Variants in RUBCN observed in about 807,000 individuals in gnomAD.
RUBCN encodes the protein rubicon autophagy regulator, also known as run domain Beclin-1-interacting and cysteine-rich domain-containing protein.
A neutral mutation model predicts 113.2 loss-of-function variants in RUBCN; 74 were observed. The observed-to-expected ratio is 0.65, with a 90% CI of 0.54 to 0.79. The LOEUF is 0.79. RUBCN is among the 30% of genes least tolerant of loss of function. The pLI, the probability that RUBCN is intolerant of heterozygous loss-of-function variation, is 0.00. For missense variants in RUBCN, 1,109 were observed against 1,251.7 expected (o/e 0.89, Z 1.72); for synonymous variants, 480 against 490.0 (o/e 0.98, Z 0.27).
chr3:197,703,415 A>AT, intron 5 of RUBCN, 133 bp downstream of exon 5: 1 of 392,170 alleles, frequency 2.5e-6, no homozygotes, highest in Non-Finnish European at 4.8e-6. Flanking sequence ...AAAAAAAAAA[A>AT]AAAAAAAAAA....
Position 197,683,409 on chromosome 3 carries a change from A to G in RUBCN, c.1878T>C (p.Ala626=). 2 of 1,614,184 alleles carry G rather than the reference A, an allele frequency of 1.2e-6. No homozygotes were observed. Among genetic ancestry groups the G allele is most frequent in the Non-Finnish European group, 1.7e-6 (2 of 1,180,034 alleles). The change falls in exon 13 of 20, where the codon GCT becomes GCC. Residue 626 remains alanine (A), a synonymous_variant. Coordinates refer to ENST00000296343, the MANE Select transcript of RUBCN (RefSeq NM_014687.4). The surrounding 1 kb of genome is among the most constrained non-coding windows in gnomAD (Gnocchi z 4.6). The stretch of plus-strand genomic sequence containing the variant: ...TCAGGAGCCCCATGGCCACCGCCTC[A>G]GCAGACGTGGAGTGCAGGAAGCAGT... ...FSHCFLHSTS[A]EAVAMGLLKQ...
At chr3:197,745,415 A>G (rs1425625526) in intron 1 of RUBCN, among the ~76,000 whole-genome samples, 1 of 151,888 alleles carries the variant, frequency 6.6e-6, no homozygotes, top group African/African-American at 2.4e-5. Context: ...CGGGAGTTCG[A>G]GACCAGCCTG....
In RUBCN at chr3:197,716,516, C is replaced by T. The variant is rs555807355; in HGVS notation, c.219+1461G>A. On this transcript the variant is annotated intron_variant, in intron 2 of 19. Coordinates refer to ENST00000296343, the MANE Select transcript of RUBCN (RefSeq NM_014687.4). ...GGCTGTTTTTCTTCCTTTATCCTACCTACTTCTGAAAAAAACCAGCATGGT... is the reference window on the plus strand; with the variant it reads ...GGCTGTTTTTCTTCCTTTATCCTACTTACTTCTGAAAAAAACCAGCATGGT... Among the ~76,000 whole-genome samples the T allele has an allele frequency of 5.3e-5, 8 of 152,192 alleles. No individual in the cohort carries two copies. In the South Asian group the frequency reaches 1.7e-3, roughly 32 times the overall value.
At chr3:197,702,433 C>T (rs550489790) in intron 5 of RUBCN, among the ~76,000 whole-genome samples, 11 of 152,288 alleles carry the variant, frequency 7.2e-5, no homozygotes, top group Non-Finnish European at 1.0e-4. Context: ...GAGGCCAAGG[C>T]GGGCAAATCA....
intron 1 of RUBCN, among the ~76,000 whole-genome samples, chr3:197,733,083 G>C (rs1409326769): frequency 1.3e-5 from 2 of 152,190 alleles, no homozygotes; most frequent in Non-Finnish European, 2.9e-5. Context: ...CGTGAACTAG[G>C]ATTCAAATGC....
chr3:197,699,174 C>T, intron 7 of RUBCN: 1 of 1,541,780 alleles, frequency 6.5e-7, no homozygotes, highest in South Asian at 1.2e-5. Context: ...AGGTGGAGGA[C>T]CGATTCCCAA....
intron 1 of RUBCN, among the ~76,000 whole-genome samples, chr3:197,721,183 A>C (rs115562092): frequency 1.3e-5 from 2 of 152,134 alleles, no homozygotes; most frequent in African/African-American, 4.8e-5. Flanking sequence ...TTTGGGAAGA[A>C]TTGGTATTAG....
intron 1 of RUBCN, among the ~76,000 whole-genome samples, chr3:197,719,651 C>T (rs973336780): frequency 3.9e-5 from 6 of 152,100 alleles, no homozygotes; most frequent in Admixed American, 1.3e-4. Context: ...ATTTCCCTTC[C>T]TCACAATGAA....
At position 197,681,016 on chromosome 3, in the gene RUBCN, G is replaced by A. The variant is rs1721158680; in HGVS notation, c.2430+113C>T. ...AGGAGAGGAGACGAGGGGAGGGGAT[G>A]GGGGGAGGGGACAAGAGGAGGGGAT... On this transcript the variant is annotated intron_variant, in intron 16 of 19. Coordinates refer to ENST00000296343, the MANE Select transcript of RUBCN (RefSeq NM_014687.4). The surrounding 1 kb of genome is among the most constrained non-coding windows in gnomAD (Gnocchi z 5.5). The A allele has an allele frequency of 4.6e-6, 3 of 647,704 alleles. No homozygotes were observed. The highest frequency in any genetic ancestry group is 3.2e-5 in the South Asian group (2 of 63,098). 40.1% of individuals were successfully genotyped at this position (647,704 alleles called of 1,614,324 possible). A position where few individuals can be genotyped will look rare whatever the true frequency, so the allele number is the denominator to read the frequency against.
chr3:197,701,886 A>C, intron 5 of RUBCN, 22 bp from the exon 6 acceptor site: 1 of 1,613,116 alleles, frequency 6.2e-7, no homozygotes, highest in Non-Finnish European at 8.5e-7. Context: ...AACAAAACCA[A>C]AAAATGTGTC....
rs751585013 is a variant in RUBCN at position 197,693,714 on chromosome 3, C to G, written c.1786+1G>C. On this transcript the variant is annotated splice_donor_variant, in intron 11 of 19. Transcript: ENST00000296343. LOFTEE classifies it high-confidence loss of function. ...CCTTGTAACAAAGTGTCACTTCTTA[C>G]CTTGGATTTCAAATTCATCAACCTC... The G allele has an allele frequency of 6.2e-7, 1 of 1,601,464 alleles. No individual in the cohort carries two copies. The highest frequency in any genetic ancestry group is 1.1e-5 in the South Asian group (1 of 90,844).
intron 7 of RUBCN, among the ~76,000 whole-genome samples, chr3:197,700,163 C>T (rs1723482289): frequency 6.6e-6 from 1 of 152,186 alleles, no homozygotes; most frequent in African/African-American, 2.4e-5. Flanking sequence ...TCACCCTGCA[C>T]TCACTATAGC....
At chr3:197,700,582 T>C (rs1288524280) in intron 7 of RUBCN, 31 bp downstream of exon 7, 8 of 1,613,042 alleles carry the variant, frequency 5.0e-6, no homozygotes, top group Admixed American at 1.7e-5. Flanking sequence ...CAGGGTCATC[T>C]TGCTAACTAG....
At chr3:197,749,259 AG>A (rs1222274753) in intron 1 of RUBCN, 1 of 1,039,514 alleles carries the variant, frequency 9.6e-7, no homozygotes, top group Non-Finnish European at 1.2e-6. Context: ...ACATCAACAG[AG>A]GTACTTACCC....
In RUBCN at chr3:197,671,171, T is replaced by C. The variant is rs886166205; in HGVS notation, c.*3847A>G. Among the ~76,000 whole-genome samples, 11 of 152,174 alleles carry C rather than the reference T, an allele frequency of 7.2e-5. No homozygotes were observed. Among genetic ancestry groups the C allele is most frequent in the Non-Finnish European group, 1.3e-4 (9 of 68,036 alleles). On this transcript the variant is annotated 3_prime_UTR_variant, in exon 20 of 20. Coordinates refer to ENST00000296343, the MANE Select transcript of RUBCN (RefSeq NM_014687.4). The stretch of plus-strand genomic sequence containing the variant: ...CTGGGATTACAAGCACATGCCACCA[T>C]GCCTGGCTAATTTTTATATTTTTGT...
intron 11 of RUBCN, among the ~76,000 whole-genome samples, chr3:197,692,810 C>T (rs1349213859): frequency 1.3e-5 from 2 of 152,180 alleles, no homozygotes; most frequent in African/African-American, 4.8e-5. Flanking sequence ...TGTGGTTCCT[C>T]CATCTGGAGG....
Position 197,722,652 on chromosome 3 carries a change from A to AAC in RUBCN, c.66-4524_66-4523dup, listed in dbSNP as rs747890009. Among the ~76,000 whole-genome samples, 379 of 150,076 alleles carry AAC rather than the reference A, an allele frequency of 2.5e-3. 1 individual carries two copies. Among genetic ancestry groups the AAC allele is most frequent in the Middle Eastern group, 3.5e-3 (1 of 288 alleles). The stretch of plus-strand genomic sequence containing the variant: ...CAACATGGGAGCACCTTAATATATA[A>AAC]ACACACACACACACACAACTGTTAT... On this transcript the variant is annotated intron_variant, in intron 1 of 19. Transcript: ENST00000296343.
rs1329813039 is a variant in RUBCN at position 197,677,175 on chromosome 3, G to A, written c.2493-137C>T. ...AGCCAGCCCAAGGTTCCAGGCCGCCGCAGCCGTTCCACGCTATTAGGTGTC... is the reference window on the plus strand; with the variant it reads ...AGCCAGCCCAAGGTTCCAGGCCGCCACAGCCGTTCCACGCTATTAGGTGTC... On this transcript the variant is annotated intron_variant, in intron 17 of 19. Transcript: ENST00000296343. 42 of 953,884 alleles carry A rather than the reference G, an allele frequency of 4.4e-5. No homozygotes were observed. In the East Asian group the frequency reaches 6.1e-4, roughly 14 times the overall value. The allele number at this position is 953,884 out of a possible 1,614,324, so 59.1% of individuals were successfully genotyped here.
At chr3:197,738,294 A>G (rs1728334778), upstream of RUBCN, among the ~76,000 whole-genome samples, 1 of 152,226 alleles carries the variant, frequency 6.6e-6, no homozygotes, top group Non-Finnish European at 1.5e-5. Flanking sequence ...CAGAATCAGC[A>G]CTACTCTATA....
Sources: allele counts gnomAD v4.1 joint callset (sites outside exome capture counted in the v4.1 genomes callset), GRCh38; gene constraint gnomAD v4.1.1; non-coding constraint Gnocchi (gnomAD v3.1); transcripts MANE v1.5; gene names NCBI Gene and HGNC (gene_info 2026-07-23, HGNC 2026-07-21).